SCLT1: variants seen among roughly 807,000 people sequenced by gnomAD.
The protein encoded by SCLT1 is sodium channel and clathrin linker 1, also known as sodium channel-associated protein 1.
Under a neutral mutation model 112.8 loss-of-function variants are expected in SCLT1, and 78 were observed. That is an observed-to-expected ratio of 0.69 (90% CI 0.58 to 0.83). The LOEUF is 0.83. SCLT1 is among the 40% of genes least tolerant of loss of function. SCLT1 has a pLI of 0.00. For missense variants in SCLT1, 747 were observed against 770.4 expected, an observed-to-expected ratio of 0.97 and a Z score of 0.36; for synonymous variants, 257 against 254.7, an observed-to-expected ratio of 1.01 and a Z score of -0.09.
Position 129,049,763 on chromosome 4 carries a change from T to G in SCLT1, c.103-5712A>C, listed in dbSNP as rs1158380385. Among the ~76,000 whole-genome samples the G allele has an allele frequency of 2.6e-5, 4 of 152,192 alleles. No individual in the cohort carries two copies. The South Asian group carries it at 8.3e-4, about 32-fold the overall frequency. ...TTTATTTTAAGTTCTGGGATACATG[T>G]GCAGAACGTTCAGGTTTGTTACATA... On this transcript the variant is annotated intron_variant, in intron 2 of 20. Transcript: ENST00000281142.
At chr4:129,042,848 G>A (rs1228289462) in intron 4 of SCLT1, among the ~76,000 whole-genome samples, 1 of 151,948 alleles carries the variant, frequency 6.6e-6, no homozygotes, top group East Asian at 1.9e-4. Flanking sequence ...GCCGAGGCAG[G>A]CGGATCACGA....
At chr4:128,969,490 T>A (rs1044842068) in intron 10 of SCLT1, among the ~76,000 whole-genome samples, 1 of 152,098 alleles carries the variant, frequency 6.6e-6, no homozygotes, top group East Asian at 1.9e-4. Context: ...GAGGACGGCA[T>A]GAACCCGGGA....
rs148489757 is a variant in SCLT1 at position 128,995,959 on chromosome 4, T to C, written c.615+1915A>G. Among the ~76,000 whole-genome samples the C allele has an allele frequency of 2.4e-3, 360 of 152,114 alleles. 1 individual carries two copies. Among genetic ancestry groups the C allele is most frequent in the Middle Eastern group, 6.8e-3 (2 of 294 alleles). ...CCAAACCAATGCCTCCATTCTCCCT[T>C]GGTTGGCCAGACTATGCTGGATCTG... On this transcript the variant is annotated intron_variant, in intron 8 of 20. Transcript: ENST00000281142.
chr4:128,980,483 A>G (rs1741550651), intron 9 of SCLT1, among the ~76,000 whole-genome samples: 1 of 152,238 alleles, frequency 6.6e-6, no homozygotes, highest in South Asian at 2.1e-4. Flanking sequence ...ATGATAGAGC[A>G]ATACTAAGAA....
At chr4:128,897,367 T>C (rs1160394333) in intron 18 of SCLT1, among the ~76,000 whole-genome samples, 1 of 151,982 alleles carries the variant, frequency 6.6e-6, no homozygotes, top group Non-Finnish European at 1.5e-5. Context: ...GGGGCCAATA[T>C]TCAATATTCT....
intron 11 of SCLT1, 41 bp downstream of exon 11, chr4:128,965,186 T>G (rs771623647): frequency 2.0e-6 from 2 of 999,140 alleles, no homozygotes; most frequent in African/African-American, 3.2e-5. Context: ...AAAATATCTT[T>G]TAAAGCATAT....
At chr4:128,905,683 T>G (rs1734638240) in intron 18 of SCLT1, among the ~76,000 whole-genome samples, 1 of 152,202 alleles carries the variant, frequency 6.6e-6, no homozygotes, top group Non-Finnish European at 1.5e-5. Context: ...CACATGAGCT[T>G]ACTCCTTCCT....
intron 1 of SCLT1, among the ~76,000 whole-genome samples, chr4:129,089,362 T>C (rs530017250): frequency 6.6e-6 from 1 of 152,188 alleles, no homozygotes; most frequent in Non-Finnish European, 1.5e-5. Context: ...AAACAACAGA[T>C]GCTGGAGAGG....
At chr4:128,910,778 T>C (rs751939462) in intron 18 of SCLT1, among the ~76,000 whole-genome samples, 2 of 152,140 alleles carry the variant, frequency 1.3e-5, no homozygotes, top group Non-Finnish European at 2.9e-5. Context: ...CTTTTTAACA[T>C]CATCTTTTCA....
At chr4:128,895,162 A>G (rs2125927493) in intron 18 of SCLT1, among the ~76,000 whole-genome samples, 1 of 152,322 alleles carries the variant, frequency 6.6e-6, no homozygotes. Context: ...GAAACAATAT[A>G]TGTAAAGCAC....
At chr4:128,929,096 C>A (rs72683654) in intron 18 of SCLT1, among the ~76,000 whole-genome samples, 38,015 of 152,060 alleles carry the variant, frequency 0.25, 5,466 homozygotes, top group East Asian at 0.33. Flanking sequence ...AGAGATAAAA[C>A]TGTTCTATTG....
intron 18 of SCLT1, among the ~76,000 whole-genome samples, chr4:128,916,813 C>T (rs1431665711): frequency 5.9e-5 from 9 of 152,112 alleles, no homozygotes; most frequent in Admixed American, 5.2e-4. Context: ...TATAGTTATA[C>T]GTCTTGACTT....
chr4:129,002,368 A>G (rs1439801682), intron 6 of SCLT1, among the ~76,000 whole-genome samples: 1 of 152,106 alleles, frequency 6.6e-6, no homozygotes, highest in Non-Finnish European at 1.5e-5. Flanking sequence ...TATATTTAAC[A>G]TAGCTGCTCA....
chr4:129,007,148 T>C (rs1744100430), intron 5 of SCLT1, among the ~76,000 whole-genome samples: 1 of 151,778 alleles, frequency 6.6e-6, no homozygotes, highest in South Asian at 2.1e-4. Flanking sequence ...AATCTGAGAG[T>C]TGCTTTTTTT....
At chr4:128,902,414 A>G (rs1006041788) in intron 18 of SCLT1, among the ~76,000 whole-genome samples, 3 of 152,246 alleles carry the variant, frequency 2.0e-5, no homozygotes, top group African/African-American at 7.2e-5. Context: ...TTAATAGTAT[A>G]GCCTACTGCT....
At chr4:128,962,032 C>T (rs1205281892) in intron 11 of SCLT1, among the ~76,000 whole-genome samples, 2 of 152,166 alleles carry the variant, frequency 1.3e-5, no homozygotes, top group Non-Finnish European at 2.9e-5. Context: ...AGGACATTTA[C>T]CTTCTTGCAA....
intron 5 of SCLT1, among the ~76,000 whole-genome samples, chr4:129,035,248 T>C (rs1012485800): frequency 6.6e-6 from 1 of 152,150 alleles, no homozygotes; most frequent in Non-Finnish European, 1.5e-5. Context: ...AAAATGGCTA[T>C]AGCAGCTTCA....
At chr4:129,011,921 T>G (rs959617319) in intron 5 of SCLT1, among the ~76,000 whole-genome samples, 2 of 152,114 alleles carry the variant, frequency 1.3e-5, no homozygotes, top group African/African-American at 4.8e-5. Context: ...TTGAATCTTC[T>G]CTCTTTTCTT....
intron 18 of SCLT1, among the ~76,000 whole-genome samples, chr4:128,894,548 C>T (rs902957818): frequency 2.6e-5 from 4 of 152,110 alleles, no homozygotes; most frequent in African/African-American, 7.2e-5. Flanking sequence ...TCAAACTTAA[C>T]AAGCCTAATA....
Sources: gnomAD v4.1 joint callset for allele counts (sites outside exome capture counted in the v4.1 genomes callset) on GRCh38, gnomAD v4.1.1 for gene constraint, MANE v1.5 for transcripts, NCBI Gene and HGNC (gene_info 2026-07-23, HGNC 2026-07-21) for gene names.